The following EBI3 variants were observed in gnomAD, a reference collection of about 807,000 sequenced individuals.
EBI3 encodes Epstein-Barr virus induced 3, also known as interleukin-27 subunit beta.
A neutral mutation model predicts 21.3 loss-of-function variants in EBI3; 19 were observed. That is an observed-to-expected ratio of 0.89 (90% CI 0.62 to 1.31). The LOEUF is 1.31. Ranked by LOEUF, EBI3 falls within the 50% of genes most tolerant of loss-of-function variation. The pLI is 0.00. For synonymous variants in EBI3, 154 were observed against 131.2 expected (o/e 1.17, Z -1.19); for missense variants, 331 against 314.0 (o/e 1.05, Z -0.41).
Position 4,231,535 on chromosome 19 carries a change from C to T in EBI3, c.200+212C>T, listed in dbSNP as rs145431000. Among the ~76,000 whole-genome samples the T allele has an allele frequency of 5.6e-3, 846 of 151,348 alleles. 7 individuals are homozygous for T. The highest frequency in any genetic ancestry group is 0.019 in the African/African-American group (802 of 41,232). ...CTGTAATCCCAGCGCTTTGGGAGGC[C>T]GAGGTGGGCAGATTGCTTGAGGTCA... On this transcript the variant is annotated intron_variant, in intron 2 of 4. Coordinates refer to ENST00000221847, the MANE Select transcript of EBI3 (RefSeq NM_005755.3).
Position 4,233,129 on chromosome 19 carries a change from G to C in EBI3, c.201G>C (p.Arg67Ser). Residue 67 changes from arginine to serine, a missense_variant and splice_region_variant, in exon 3 of 5, where the codon AGG becomes AGC. Physicochemically the swap from Arg to Ser is moderately radical, Grantham distance 110 (BLOSUM62 -1). Coordinates refer to ENST00000221847, the MANE Select transcript of EBI3 (RefSeq NM_005755.3). ...TSPVSFIATYRLGMAARGHSW... is the reference protein window; with the variant it reads ...TSPVSFIATYSLGMAARGHSW... ...GCTCAGCGAGCCCCACCCTGTGCAGGCTCGGCATGGCTGCCCGGGGCCACA... is the reference window on the plus strand; with the variant it reads ...GCTCAGCGAGCCCCACCCTGTGCAGCCTCGGCATGGCTGCCCGGGGCCACA... The C allele has an allele frequency of 3.1e-6, 5 of 1,588,344 alleles. 1 individual carries two copies. In the South Asian group the frequency reaches 5.6e-5, roughly 18 times the overall value.
chr19:4,234,297 G>C (rs1333596530), intron 3 of EBI3, among the ~76,000 whole-genome samples: 1 of 152,160 alleles, frequency 6.6e-6, no homozygotes, highest in East Asian at 1.9e-4. Context: ...CTATGGATTT[G>C]TTTATTTCCT....
At chr19:4,233,063 C>G in intron 2 of EBI3, 66 bp from the exon 3 acceptor site, 1 of 1,422,390 alleles carries the variant, frequency 7.0e-7, no homozygotes, top group South Asian at 1.5e-5. Flanking sequence ...GGGTCAGGCC[C>G]GGCAGTAGGA....
chr19:4,233,162 C>G lies in EBI3; in HGVS notation c.234C>G (p.Pro78=). 1.2e-6 allele frequency: 2 copies of G among 1,605,432 alleles called. No individual in the cohort carries two copies. The highest frequency in any genetic ancestry group is 1.7e-5 in the Admixed American group (1 of 59,790). Residue 78 remains proline, a synonymous_variant, in exon 3 of 5, where the codon CCC becomes CCG. Transcript: ENST00000221847. ...LGMAARGHSW[P]CLQQTPTSTS... ...TGGCTGCCCGGGGCCACAGCTGGCC[C>G]TGCCTGCAGCAGACGCCAACGTCCA...
rs1177372770 is a variant in EBI3 at position 4,233,173 on chromosome 19, A to G, written c.245A>G (p.Gln82Arg). 1 of 1,608,358 alleles carries G rather than the reference A, an allele frequency of 6.2e-7. No homozygotes were observed. Among genetic ancestry groups the G allele is most frequent in the African/African-American group, 1.3e-5 (1 of 74,914 alleles). ...GGCCACAGCTGGCCCTGCCTGCAGC[A>G]GACGCCAACGTCCACCAGCTGCACC... ...ARGHSWPCLQ[Q>R]TPTSTSCTIT... The change falls in exon 3 of 5, where the codon CAG (glutamine) becomes CGG (arginine). Residue 82 changes from glutamine to arginine, a missense_variant. Coordinates refer to ENST00000221847, the MANE Select transcript of EBI3 (RefSeq NM_005755.3).
At chr19:4,232,239 A>G (rs1228982774) in intron 2 of EBI3, among the ~76,000 whole-genome samples, 12 of 140,638 alleles carry the variant, frequency 8.5e-5, no homozygotes, top group South Asian at 2.3e-4. Flanking sequence ...AAAAAAAAAA[A>G]AAAAAAGAAA....
intron 1 of EBI3, among the ~76,000 whole-genome samples, chr19:4,230,180 T>C (rs1970769882): frequency 6.6e-6 from 1 of 152,100 alleles, no homozygotes. Flanking sequence ...CACCTCGGGC[T>C]CCCAAAGTGC....
rs549335769 is a variant in EBI3, at chr19:4,236,956, G to A, written c.558G>A (p.Thr186=). 26 of 1,509,590 alleles carry A rather than the reference G, an allele frequency of 1.7e-5. No homozygotes were observed. Among genetic ancestry groups the A allele is most frequent in the South Asian group, 9.1e-5 (7 of 77,134 alleles). The allele number at this position is 1,509,590 out of a possible 1,614,324, so 93.5% of individuals were successfully genotyped here. The change falls in exon 5 of 5, where the codon ACG becomes ACA. Residue 186 remains threonine, a synonymous_variant. Transcript: ENST00000221847. ...CTCAGGTGGGGCCCATTGAAGCCAC[G>A]TCCTTCATCCTCAGGGCTGTGCGGC... ...RFHRVGPIEA[T]SFILRAVRPR... is the part of the protein sequence containing the mutation.
rs1243382008 is a variant in EBI3 at position 4,229,530 on chromosome 19, A to G, written c.-21A>G. 1.2e-6 allele frequency: 2 copies of G among 1,601,646 alleles called. No individual in the cohort carries two copies. Among genetic ancestry groups the G allele is most frequent in the Non-Finnish European group, 8.5e-7 (1 of 1,174,246 alleles). On this transcript the variant is annotated 5_prime_UTR_variant, in exon 1 of 5. Transcript: ENST00000221847. Reference sequence around the variant, plus strand: ...CCCACGACGTTCCCACCCACTCCTGAGAGCAGAGCTGGCCGCAGCCATGAC... The same window carrying G: ...CCCACGACGTTCCCACCCACTCCTGGGAGCAGAGCTGGCCGCAGCCATGAC...
chr19:4,232,222 C>CAAAAAAA (rs71166979), intron 2 of EBI3, among the ~76,000 whole-genome samples: 3 of 57,814 alleles, frequency 5.2e-5, no homozygotes, highest in Admixed American at 2.9e-4. Context: ...GACCCCGTCT[C>CAAAAAAA]AAAAAAAAAA....
chr19:4,233,703 C>T (rs546973484), intron 3 of EBI3, among the ~76,000 whole-genome samples: 2 of 152,316 alleles, frequency 1.3e-5, no homozygotes, highest in South Asian at 4.1e-4. Context: ...TCCCTGTCTC[C>T]CCCTTGCTCA....
At position 4,236,999 on chromosome 19, in the gene EBI3, G is replaced by A. The variant is rs4740; in HGVS notation, c.601G>A (p.Val201Ile). Residue 201 changes from valine to isoleucine, a missense_variant, in exon 5 of 5, where the codon GTC becomes ATC. Coordinates refer to ENST00000221847, the MANE Select transcript of EBI3 (RefSeq NM_005755.3). ...TGTGCGGCCCCGAGCCAGGTACTAC[G>A]TCCAAGTGGCGGCTCAGGACCTCAC... ...RAVRPRARYY[V>I]QVAAQDLTDY... 0.32 allele frequency: 498,933 copies of A among 1,580,534 alleles called. 83,983 individuals carry two copies. The highest frequency in any genetic ancestry group is 0.59 in the African/African-American group (43,028 of 72,838).
At position 4,233,306 on chromosome 19, in the gene EBI3, C is replaced by T; in HGVS notation, c.378C>T (p.Ile126=). Residue 126 remains isoleucine (I), a splice_region_variant and synonymous_variant, in exon 3 of 5, where the codon ATC becomes ATT. Transcript: ENST00000221847. ...SSFVPFITEH[I]IKPDPPEGVR... is the part of the protein sequence containing the mutation. Reference sequence around the variant, plus strand: ...TCGTGCCTTTCATAACAGAGCACATCAGTGAGTGGGGGCGGCAGTGGGGGC... The same window carrying T: ...TCGTGCCTTTCATAACAGAGCACATTAGTGAGTGGGGGCGGCAGTGGGGGC... 4.4e-6 allele frequency: 7 copies of T among 1,592,256 alleles called. No homozygotes were observed. The highest frequency in any genetic ancestry group is 6.0e-6 in the Non-Finnish European group (7 of 1,170,170).
chr19:4,231,310 AT>A lies in EBI3; in HGVS notation c.189del (p.Ile63MetfsTer60), dbSNP rs1400249162. On this transcript the variant is annotated frameshift_variant, in exon 2 of 5. Transcript: ENST00000221847. LOFTEE classifies it high-confidence loss of function. ...APNSTSPVSF[I>X]ATYRLGMAAR... ...AAACTCCACCAGCCCCGTGTCCTTC[AT>A]TGCCACGTACAGGTCGGAGAGCCTG... 1.2e-5 allele frequency: 19 copies of A among 1,611,310 alleles called. No homozygotes were observed. Among genetic ancestry groups the A allele is most frequent in the Non-Finnish European group, 1.3e-5 (15 of 1,179,198 alleles).
intron 4 of EBI3, among the ~76,000 whole-genome samples, chr19:4,236,542 A>AAAAAG (rs1970839730): frequency 1.3e-5 from 2 of 149,888 alleles, no homozygotes; most frequent in Non-Finnish European, 3.0e-5. Flanking sequence ...AAAAAAAAAA[A>AAAAAG]AGCATGGTTA....
intron 3 of EBI3, 92 bp downstream of exon 3, chr19:4,233,399 G>A (rs954135324): frequency 5.2e-5 from 73 of 1,415,554 alleles, no homozygotes; most frequent in Non-Finnish European, 6.3e-5. Context: ...CAGTCCTGCG[G>A]CTGCACCTTC....
At chr19:4,235,430 C>T (rs1970829406) in intron 4 of EBI3, among the ~76,000 whole-genome samples, 1 of 151,808 alleles carries the variant, frequency 6.6e-6, no homozygotes, top group Admixed American at 6.6e-5. Flanking sequence ...AGTGATTCTC[C>T]TGCCTCAGCC....
At chr19:4,231,087 C>G in intron 1 of EBI3, 104 bp from the exon 2 acceptor site, 1 of 1,421,960 alleles carries the variant, frequency 7.0e-7, no homozygotes, top group Non-Finnish European at 9.3e-7. Context: ...AGGCACCTAC[C>G]ATGTACCTGG....
At chr19:4,232,111 G>A (rs1970788484) in intron 2 of EBI3, among the ~76,000 whole-genome samples, 8 of 150,688 alleles carry the variant, frequency 5.3e-5, no homozygotes, top group Admixed American at 3.3e-4. Flanking sequence ...TGTAGTCCCA[G>A]CTACTCGGGA....
Sources: gnomAD v4.1 joint callset for allele counts (sites outside exome capture counted in the v4.1 genomes callset) on GRCh38, gnomAD v4.1.1 for gene constraint, MANE v1.5 for transcripts, NCBI Gene and HGNC (gene_info 2026-07-23, HGNC 2026-07-21) for gene names.